The following ZNF91 variants were observed in gnomAD, a reference collection of about 807,000 sequenced individuals.
ZNF91 encodes zinc finger protein 91 (HPF7, HTF10).
ZNF91 carries 7 observed loss-of-function variants against 12.6 expected under a neutral mutation model. That is an observed-to-expected ratio of 0.55 (90% CI 0.31 to 1.04). The LOEUF (loss-of-function observed/expected upper bound fraction) is 1.04, where lower values mean the gene tolerates loss of function less well. Ranked by LOEUF, ZNF91 falls within the 50% of genes least tolerant of loss-of-function variation. ZNF91 has a pLI of 0.05. For synonymous variants in ZNF91, 453 were observed against 462.6 expected (o/e 0.98, Z 0.27); for missense variants, 1,217 against 1,385.4 (o/e 0.88, Z 1.93).
intron 3 of ZNF91, among the ~76,000 whole-genome samples, chr19:23,373,501 T>C (rs1599741730): frequency 6.6e-6 from 1 of 151,816 alleles, no homozygotes; most frequent in Non-Finnish European, 1.5e-5. Flanking sequence ...CTCTTTTCTA[T>C]GCCATGAACA....
At chr19:23,322,692 C>T (rs1967724117) in intron 1 of ZNF91, among the ~76,000 whole-genome samples, 1 of 149,990 alleles carries the variant, frequency 6.7e-6, no homozygotes, top group East Asian at 2.0e-4. Flanking sequence ...CATTCCTTTT[C>T]GTCTTCTCCT....
chr19:23,372,118 T>C (rs1969303292), intron 3 of ZNF91, among the ~76,000 whole-genome samples: 1 of 152,074 alleles, frequency 6.6e-6, no homozygotes, highest in Admixed American at 6.6e-5. Context: ...ACACACAACA[T>C]GTACATTCTA....
chr19:23,377,249 A>C (rs10406118), intron 1 of ZNF91, among the ~76,000 whole-genome samples: 3,217 of 152,208 alleles, frequency 0.021, 104 homozygotes, highest in African/African-American at 0.072. Context: ...ATGTATCTTA[A>C]ACTTCTCATA....
At chr19:23,327,215 A>G (rs1967853173) in intron 1 of ZNF91, 1 of 152,140 alleles carries the variant, frequency 6.6e-6, no homozygotes, top group Non-Finnish European at 1.5e-5. Flanking sequence ...ATACTTGATA[A>G]TAATTGATTA....
rs140431561 is a variant in ZNF91 at position 23,364,308 on chromosome 19, G to A, written c.254-1583C>T. On this transcript the variant is annotated intron_variant, in intron 3 of 3. Coordinates refer to ENST00000300619, the MANE Select transcript of ZNF91 (RefSeq NM_003430.4). ...ACTAAAAATACAAAATTAGCTGTGCGTGGTGGCACATGCCTGTAATCCCAG... is the reference window on the plus strand; with the variant it reads ...ACTAAAAATACAAAATTAGCTGTGCATGGTGGCACATGCCTGTAATCCCAG... 8.2e-3 allele frequency among the ~76,000 whole-genome samples: 1,245 copies of A among 152,266 alleles called. 3 individuals carry two copies. Among genetic ancestry groups the A allele is most frequent in the Non-Finnish European group, 0.011 (756 of 68,022 alleles).
chr19:23,349,528 T>C (rs186820288), intron 3 of ZNF91, among the ~76,000 whole-genome samples: 98 of 152,310 alleles, frequency 6.4e-4, no homozygotes, highest in African/African-American at 2.3e-3. Flanking sequence ...AGACATGGTC[T>C]TTCATTCGTG....
rs541266920 is a variant in ZNF91, at chr19:23,357,809, T to C, written c.*1594A>G. 4 of 152,300 alleles carry C rather than the reference T, an allele frequency of 2.6e-5. No homozygotes were observed. Among genetic ancestry groups the C allele is most frequent in the African/African-American group, 7.2e-5 (3 of 41,570 alleles). 9.4% of individuals were successfully genotyped at this position (152,300 alleles called of 1,614,324 possible). ...AATAACTAAAACTGTAGAATTGAAT[T>C]ATTTGTAATACAAAGAATAAATGCT... On this transcript the variant is annotated 3_prime_UTR_variant, in exon 4 of 4. Transcript: ENST00000300619.
intron 1 of ZNF91, among the ~76,000 whole-genome samples, chr19:23,332,530 G>GAC (rs1467038298): frequency 6.6e-6 from 1 of 152,092 alleles, no homozygotes; most frequent in East Asian, 1.9e-4. Flanking sequence ...CTACCATAGA[G>GAC]ACACGATTCG....
rs184841894 is a variant in ZNF91, at chr19:23,369,541, G to A, written c.253+4201C>T. Among the ~76,000 whole-genome samples, 1,490 of 152,280 alleles carry A rather than the reference G, an allele frequency of 9.8e-3. 6 individuals are homozygous for A. Among genetic ancestry groups the A allele is most frequent in the Non-Finnish European group, 0.014 (958 of 68,016 alleles). ...CTCATTGAGAAGGGGCCATGATGAC[G>A]ATGGCAGTTTTGTCGAATAGAAAAG... On this transcript the variant is annotated intron_variant, in intron 3 of 3. Coordinates refer to ENST00000300619, the MANE Select transcript of ZNF91 (RefSeq NM_003430.4).
chr19:23,348,702 G>C (rs765240835), intron 3 of ZNF91, among the ~76,000 whole-genome samples: 1 of 152,136 alleles, frequency 6.6e-6, no homozygotes, highest in African/African-American at 2.4e-5. Context: ...GATTTTCAGG[G>C]AACAAGGAAA....
chr19:23,322,352 A>T (rs1967714073), intron 1 of ZNF91, among the ~76,000 whole-genome samples: 1 of 152,216 alleles, frequency 6.6e-6, no homozygotes, highest in African/African-American at 2.4e-5. Context: ...CCAAAAAGGG[A>T]TTGTGATGTA....
chr19:23,335,886 C>G (rs1421824921), downstream of ZNF91, among the ~76,000 whole-genome samples: 1 of 152,204 alleles, frequency 6.6e-6, no homozygotes, highest in Non-Finnish European at 1.5e-5. Flanking sequence ...CAGAAATCAC[C>G]TGTCTTCTGC....
intron 1 of ZNF91, among the ~76,000 whole-genome samples, chr19:23,323,202 CTCT>C (rs894486872): frequency 2.0e-5 from 3 of 147,592 alleles, no homozygotes; most frequent in African/African-American, 5.0e-5. Flanking sequence ...CCACATTCTC[CTCT>C]TCCTCTTACT....
intron 1 of ZNF91, chr19:23,384,978 G>C: frequency 1.9e-6 from 2 of 1,059,022 alleles, no homozygotes; most frequent in Non-Finnish European, 3.0e-6. Flanking sequence ...CCGTCATGGA[G>C]GAAAAAGGTC....
At chr19:23,388,952 A>T (rs1005898722) in intron 1 of ZNF91, among the ~76,000 whole-genome samples, 5 of 152,224 alleles carry the variant, frequency 3.3e-5, no homozygotes, top group African/African-American at 1.2e-4. Context: ...GCTAAATAAT[A>T]AAAACATGAA....
At chr19:23,316,332 T>C (rs1326714993) in intron 1 of ZNF91, among the ~76,000 whole-genome samples, 2 of 152,204 alleles carry the variant, frequency 1.3e-5, no homozygotes, top group Non-Finnish European at 2.9e-5. Flanking sequence ...TTCTTCTCCC[T>C]GAACCCTGCT....
chr19:23,375,519 T>C (rs183790034), intron 1 of ZNF91, among the ~76,000 whole-genome samples: 28 of 152,318 alleles, frequency 1.8e-4, no homozygotes, highest in Admixed American at 3.9e-4. Flanking sequence ...CAGATTATTT[T>C]TTCAGGAGAT....
intron 1 of ZNF91, chr19:23,323,936 TTCTCCTTTCCTCCTCC>T (rs1967782654): frequency 1.3e-5 from 2 of 148,788 alleles, no homozygotes; most frequent in Non-Finnish European, 3.0e-5. Context: ...CCTCCTTCTC[TTCTCCTTTCCTCCTCC>T]TCTCCTTCAC....
intron 1 of ZNF91, among the ~76,000 whole-genome samples, chr19:23,382,623 A>G (rs1300590873): frequency 6.6e-6 from 1 of 152,230 alleles, no homozygotes; most frequent in Non-Finnish European, 1.5e-5. Context: ...AATCAGAAAT[A>G]AAAAAATCCT....
Sources: gnomAD v4.1 joint callset for allele counts (sites outside exome capture counted in the v4.1 genomes callset) on GRCh38, gnomAD v4.1.1 for gene constraint, MANE v1.5 for transcripts, NCBI Gene and HGNC (gene_info 2026-07-23, HGNC 2026-07-21) for gene names.